Variants in CSMD3 observed in about 807,000 individuals in gnomAD.
The protein encoded by CSMD3 is CUB and sushi domain-containing protein 3.
In CSMD3, 177 loss-of-function variants were observed where a neutral mutation model predicts 435.2. The observed-to-expected ratio is 0.41, with a 90% confidence interval of 0.36 to 0.46. CSMD3 has a LOEUF of 0.46. Ranked by LOEUF, CSMD3 falls within the 20% of genes least tolerant of loss-of-function variation. The pLI is 0.34. For synonymous variants in CSMD3, 1,656 were observed against 1,520.5 expected (o/e 1.09, Z -2.07); for missense variants, 4,265 against 4,504.6 (o/e 0.95, Z 1.52).
chr8:112,675,842 C>T (rs1046293690), intron 16 of CSMD3, among the ~76,000 whole-genome samples: 1 of 151,962 alleles, frequency 6.6e-6, no homozygotes, highest in Non-Finnish European at 1.5e-5. Context: ...TAGGGGGCTA[C>T]GGATTAATTA....
intron 1 of CSMD3, among the ~76,000 whole-genome samples, chr8:113,404,374 A>G (rs925079926): frequency 2.0e-5 from 3 of 151,420 alleles, no homozygotes; most frequent in Non-Finnish European, 4.4e-5. Context: ...AAGCATAAAC[A>G]TACAATGAAT....
chr8:112,646,768 A>G (rs898168254), intron 19 of CSMD3, among the ~76,000 whole-genome samples: 3 of 152,186 alleles, frequency 2.0e-5, no homozygotes, highest in African/African-American at 7.2e-5. Flanking sequence ...TTGGATGAAG[A>G]CACTGAAGAG....
intron 1 of CSMD3, among the ~76,000 whole-genome samples, chr8:113,316,549 T>C (rs960878326): frequency 4.8e-5 from 2 of 41,550 alleles, no homozygotes; most frequent in South Asian, 2.8e-3. Context: ...AACAGCTATA[T>C]ACTTTTTTTT....
intron 32 of CSMD3, among the ~76,000 whole-genome samples, chr8:112,450,313 G>A (rs16883610): frequency 6.6e-6 from 1 of 152,106 alleles, no homozygotes; most frequent in East Asian, 1.9e-4. Flanking sequence ...ACAACTAATT[G>A]CATTTTCTTA....
At chr8:113,391,578 T>G (rs2094461314) in intron 1 of CSMD3, among the ~76,000 whole-genome samples, 1 of 152,068 alleles carries the variant, frequency 6.6e-6, no homozygotes, top group Non-Finnish European at 1.5e-5. Flanking sequence ...ATCTCTTGAT[T>G]AAATCTGAAG....
At chr8:113,106,421 T>C (rs770428170) in intron 4 of CSMD3, among the ~76,000 whole-genome samples, 2 of 152,120 alleles carry the variant, frequency 1.3e-5, no homozygotes, top group Non-Finnish European at 2.9e-5. Context: ...CTATTCAGAA[T>C]GCAGCTAAGA....
At chr8:112,629,899 T>C (rs2074467311) in intron 22 of CSMD3, among the ~76,000 whole-genome samples, 1 of 152,316 alleles carries the variant, frequency 6.6e-6, no homozygotes, top group Non-Finnish European at 1.5e-5. Context: ...TAAAACTTCA[T>C]CTTCCTCGCA....
chr8:112,317,155 CA>C (rs1822551031), intron 47 of CSMD3, among the ~76,000 whole-genome samples: 1 of 151,800 alleles, frequency 6.6e-6, no homozygotes, highest in African/African-American at 2.4e-5. Context: ...TATCAGGAGA[CA>C]AAAATTTTCT....
At chr8:113,178,565 T>C (rs1041403982) in intron 3 of CSMD3, among the ~76,000 whole-genome samples, 1 of 151,912 alleles carries the variant, frequency 6.6e-6, no homozygotes, top group African/African-American at 2.4e-5. Context: ...ATGTAAGTTA[T>C]ACTAAAGGCA....
chr8:112,835,277 C>G (rs2079989547), intron 11 of CSMD3, among the ~76,000 whole-genome samples: 1 of 151,818 alleles, frequency 6.6e-6, no homozygotes, highest in Admixed American at 6.6e-5. Flanking sequence ...TTCTGTGAAT[C>G]TTGCACAGAT....
chr8:113,346,938 T>C (rs566011141), intron 1 of CSMD3, among the ~76,000 whole-genome samples: 2 of 152,210 alleles, frequency 1.3e-5, no homozygotes, highest in African/African-American at 4.8e-5. Context: ...TCAATTCTTC[T>C]TTATGAGAAA....
At chr8:112,538,953 T>A (rs1826396055) in intron 27 of CSMD3, 1 of 152,570 alleles carries the variant, frequency 6.6e-6, no homozygotes, top group African/African-American at 2.4e-5. Flanking sequence ...CAACTCATTA[T>A]GAAAAGTGGA....
At chr8:113,346,297 C>A (rs568915305) in intron 1 of CSMD3, among the ~76,000 whole-genome samples, 1 of 151,938 alleles carries the variant, frequency 6.6e-6, no homozygotes, top group Non-Finnish European at 1.5e-5. Context: ...TGAGTTTCCA[C>A]CCCACTTTTC....
At chr8:112,959,427 T>C (rs566461561) in intron 7 of CSMD3, among the ~76,000 whole-genome samples, 1 of 151,998 alleles carries the variant, frequency 6.6e-6, no homozygotes, top group Non-Finnish European at 1.5e-5. Flanking sequence ...GAAGTGTCAG[T>C]AGCTGTATTA....
At chr8:113,376,752 C>G in intron 1 of CSMD3, 1 of 1,613,940 alleles carries the variant, frequency 6.2e-7, no homozygotes, top group Non-Finnish European at 8.5e-7. Context: ...GGCTGTCTGT[C>G]GGTCAAGCTG....
chr8:112,925,538 G>A (rs1314477135), intron 9 of CSMD3, among the ~76,000 whole-genome samples: 1 of 150,256 alleles, frequency 6.7e-6, no homozygotes, highest in African/African-American at 2.4e-5. Context: ...ACTCGACAGA[G>A]GGAGACGCCA....
intron 32 of CSMD3, among the ~76,000 whole-genome samples, chr8:112,455,645 A>G (rs974375759): frequency 6.6e-6 from 1 of 151,840 alleles, no homozygotes; most frequent in African/African-American, 2.4e-5. Context: ...AAGCATAATC[A>G]ATGCCTAAGT....
chr8:112,478,055 T>C (rs933737088), intron 31 of CSMD3, among the ~76,000 whole-genome samples: 2 of 152,110 alleles, frequency 1.3e-5, no homozygotes, highest in East Asian at 1.9e-4. Flanking sequence ...CTCTCTCTCT[T>C]TGCCTGCAGC....
At chr8:112,476,368 T>C (rs533536919) in intron 31 of CSMD3, among the ~76,000 whole-genome samples, 2 of 152,300 alleles carry the variant, frequency 1.3e-5, no homozygotes, top group South Asian at 4.1e-4. Flanking sequence ...TTTAATAGCA[T>C]GTTTGTAGAA....
Sources: gnomAD v4.1 joint callset for allele counts (sites outside exome capture counted in the v4.1 genomes callset) on GRCh38, gnomAD v4.1.1 for gene constraint, MANE v1.5 for transcripts, NCBI Gene and HGNC (gene_info 2026-07-23, HGNC 2026-07-21) for gene names.